SYCE3: variants seen among roughly 807,000 people sequenced by gnomAD.
SYCE3 encodes synaptonemal complex central element protein 3, also known as testis highly expressed gene 2 protein.
Under a neutral mutation model 8.1 loss-of-function variants are expected in SYCE3, and 3 were observed. That is an observed-to-expected ratio of 0.37 (90% confidence interval 0.17 to 0.96). The LOEUF is 0.96. SYCE3 is among the 40% of genes least tolerant of loss of function. The pLI, the probability that SYCE3 is intolerant of heterozygous loss-of-function variation, is 0.41. For synonymous variants in SYCE3, 36 were observed against 38.7 expected, an observed-to-expected ratio of 0.93 and a Z score of 0.26; for missense variants, 83 against 110.0, an observed-to-expected ratio of 0.75 and a Z score of 1.10.
At chr22:50,560,561 G>A (rs968599373) in intron 1 of SYCE3, among the ~76,000 whole-genome samples, 6 of 152,210 alleles carry the variant, frequency 3.9e-5, no homozygotes, top group African/African-American at 1.4e-4. Flanking sequence ...AATATTTCAT[G>A]AATTAAATAA....
chr22:50,552,815 C>T (rs548891798), intron 2 of SYCE3, among the ~76,000 whole-genome samples: 1 of 152,122 alleles, frequency 6.6e-6, no homozygotes, highest in Admixed American at 6.6e-5. Context: ...GGTAGACCCT[C>T]CTGAATGGGA....
intron 2 of SYCE3, among the ~76,000 whole-genome samples, chr22:50,553,878 G>A (rs2069833595): frequency 6.6e-6 from 1 of 152,098 alleles, no homozygotes; most frequent in Non-Finnish European, 1.5e-5. Flanking sequence ...ACCGTGCCCA[G>A]CCTGTAGCAG....
At chr22:50,561,934 G>T (rs1047652664) in intron 1 of SYCE3, among the ~76,000 whole-genome samples, 3 of 146,460 alleles carry the variant, frequency 2.0e-5, no homozygotes, top group Non-Finnish European at 4.5e-5. Flanking sequence ...AGGTGTGGCA[G>T]GTGTGAGGGT....
At position 50,556,544 on chromosome 22, in the gene SYCE3, G is replaced by A. The variant is rs570200588; in HGVS notation, c.1-139C>T. 8.2e-4 allele frequency: 512 copies of A among 623,168 alleles called. 7 individuals are homozygous for A. Among genetic ancestry groups the A allele is most frequent in the South Asian group, 6.5e-3 (307 of 47,224 alleles). The allele number at this position is 623,168 out of a possible 1,614,324, so 38.6% of individuals were successfully genotyped here. A position where few individuals can be genotyped will look rare whatever the true frequency, so the allele number is the denominator to read the frequency against. The stretch of plus-strand genomic sequence containing the variant: ...CAGACAATACCACGTACTCCACAGG[G>A]CTGTTGTGAAGGTTAAATGGGAACA... On this transcript the variant is annotated intron_variant, in intron 1 of 2. Transcript: ENST00000406915.
intron 1 of SYCE3, among the ~76,000 whole-genome samples, chr22:50,557,508 G>A (rs1339476000): frequency 6.6e-6 from 1 of 152,054 alleles, no homozygotes; most frequent in Non-Finnish European, 1.5e-5. Flanking sequence ...ATCTTGTGGA[G>A]TTTTGTGAGG....
At chr22:50,556,607 G>A (rs191617098) in intron 1 of SYCE3, among the ~76,000 whole-genome samples, 3 of 152,334 alleles carry the variant, frequency 2.0e-5, no homozygotes, top group African/African-American at 7.2e-5. Flanking sequence ...GCACATATAA[G>A]TTGTCCTTCC....
At position 50,556,249 on chromosome 22, in the gene SYCE3, A is replaced by G. The variant is rs1309832710; in HGVS notation, c.109+48T>C. On this transcript the variant is annotated intron_variant, in intron 2 of 2. Transcript: ENST00000406915. ...TTAACCTTGGCAAAATAAACTTTCT[A>G]AATTGATTGAGACCTGTCTCAGATA... is the stretch of plus-strand genomic sequence containing the variant. The G allele has an allele frequency of 3.6e-6, 5 of 1,380,034 alleles. No homozygotes were observed. The Admixed American group carries it at 6.1e-5, about 17-fold the overall frequency. 85.5% of individuals were successfully genotyped at this position (1,380,034 alleles called of 1,614,324 possible).
intron 2 of SYCE3, among the ~76,000 whole-genome samples, 152 bp downstream of exon 2, chr22:50,556,145 T>C (rs564203553): frequency 3.4e-4 from 52 of 152,126 alleles, no homozygotes; most frequent in Non-Finnish European, 6.6e-4. Flanking sequence ...CTCCCTAAAA[T>C]GTATAAAAGC....
At position 50,556,297 on chromosome 22, in the gene SYCE3, C is replaced by T. The variant is rs376545270; in HGVS notation, c.109G>A (p.Val37Met). The change falls in exon 2 of 3, where the codon GTG becomes ATG. Residue 37 changes from valine to methionine, a missense_variant and splice_region_variant. By Grantham distance (21) the Val-to-Met change is conservative. Transcript: ENST00000406915. ...ATACTTTTGGGTTCACACATCCTAC[C>T]TGAGATTTTCTCCATCTCTTCTAAT... is the stretch of plus-strand genomic sequence containing the variant. ...KLLEEMEKIS[V>M]QATWMAYDMV... is the part of the protein sequence containing the mutation. 6.5e-6 allele frequency: 10 copies of T among 1,548,472 alleles called. No individual in the cohort carries two copies. Among genetic ancestry groups the T allele is most frequent in the Non-Finnish European group, 7.9e-6 (9 of 1,144,456 alleles).
chr22:50,554,284 T>G (rs991572903), intron 2 of SYCE3, among the ~76,000 whole-genome samples: 1 of 151,744 alleles, frequency 6.6e-6, no homozygotes, highest in Non-Finnish European at 1.5e-5. Flanking sequence ...CGGAGAAAAG[T>G]AGAAGAAAAT....
At chr22:50,554,505 C>T (rs1225055752) in intron 2 of SYCE3, among the ~76,000 whole-genome samples, 1 of 151,056 alleles carries the variant, frequency 6.6e-6, no homozygotes, top group Non-Finnish European at 1.5e-5. Flanking sequence ...ACCAGCCTGG[C>T]CAAAATGGTG....
At chr22:50,558,270 A>C (rs2069879903) in intron 1 of SYCE3, among the ~76,000 whole-genome samples, 1 of 152,060 alleles carries the variant, frequency 6.6e-6, no homozygotes, top group South Asian at 2.1e-4. Context: ...CTAAAAATAT[A>C]AAAATTAGCC....
chr22:50,554,148 T>C (rs2069836241), intron 2 of SYCE3, among the ~76,000 whole-genome samples: 1 of 150,920 alleles, frequency 6.6e-6, no homozygotes, highest in Non-Finnish European at 1.5e-5. Context: ...TGAGCCGAGA[T>C]TGTGCCACTG....
At chr22:50,555,783 C>A (rs2148698780) in intron 2 of SYCE3, among the ~76,000 whole-genome samples, 1 of 147,616 alleles carries the variant, frequency 6.8e-6, no homozygotes, top group Non-Finnish European at 1.5e-5. Context: ...CAGATCGAAC[C>A]AATGTACATC....
intron 1 of SYCE3, among the ~76,000 whole-genome samples, chr22:50,559,466 T>C (rs2069893409): frequency 6.6e-6 from 1 of 152,154 alleles, no homozygotes; most frequent in Non-Finnish European, 1.5e-5. Flanking sequence ...GAGGAAACAC[T>C]GGAAAAATCT....
chr22:50,553,139 T>A (rs535147551), intron 2 of SYCE3, among the ~76,000 whole-genome samples: 2 of 151,792 alleles, frequency 1.3e-5, no homozygotes, highest in Admixed American at 6.6e-5. Flanking sequence ...GAGGTGGAGG[T>A]TGCAGTGAGC....
intron 1 of SYCE3, among the ~76,000 whole-genome samples, chr22:50,561,101 G>A (rs1476676283): frequency 1.3e-5 from 2 of 152,166 alleles, no homozygotes; most frequent in Admixed American, 6.5e-5. Context: ...GCCTGGGAAC[G>A]TAAACATACA....
chr22:50,552,570 A>C (rs965243085), intron 2 of SYCE3, among the ~76,000 whole-genome samples: 1 of 152,162 alleles, frequency 6.6e-6, no homozygotes, highest in Non-Finnish European at 1.5e-5. Context: ...AGGCAGGAGA[A>C]TCGCTTGAAC....
At chr22:50,556,589 A>T (rs1168113388) in intron 1 of SYCE3, among the ~76,000 whole-genome samples, 184 bp from the exon 2 acceptor site, 1 of 152,258 alleles carries the variant, frequency 6.6e-6, no homozygotes, top group Non-Finnish European at 1.5e-5. Flanking sequence ...GCCCCAGCAT[A>T]GCATTCGGCA....
Sources: gnomAD v4.1 joint callset for allele counts (sites outside exome capture counted in the v4.1 genomes callset) on GRCh38, gnomAD v4.1.1 for gene constraint, MANE v1.5 for transcripts, NCBI Gene and HGNC (gene_info 2026-07-23, HGNC 2026-07-21) for gene names.